ENTPD3: variants seen among roughly 807,000 people sequenced by gnomAD.
ENTPD3 encodes ectonucleoside triphosphate diphosphohydrolase 3, also known as CD39 antigen-like 3.
In ENTPD3, 60 loss-of-function variants were observed where a neutral mutation model predicts 51.2. The observed-to-expected ratio is 1.17, with a 90% confidence interval of 0.95 to 1.45. ENTPD3 has a LOEUF of 1.45. Ranked by LOEUF, ENTPD3 falls within the 40% of genes most tolerant of loss-of-function variation. The pLI is 0.00. For missense variants in ENTPD3, 593 were observed against 641.1 expected, an observed-to-expected ratio of 0.93 and a Z score of 0.81; for synonymous variants, 221 against 238.4, an observed-to-expected ratio of 0.93 and a Z score of 0.67.
At chr3:40,401,339 C>T (rs772365314) in intron 4 of ENTPD3, among the ~76,000 whole-genome samples, 6 of 152,178 alleles carry the variant, frequency 3.9e-5, no homozygotes, top group Non-Finnish European at 8.8e-5. Context: ...AAATAAAGGA[C>T]AATTTGTTAC....
rs1955341890 is a variant in ENTPD3, at chr3:40,400,958, A to G, written c.233A>G (p.Glu78Gly). 6.2e-7 allele frequency: 1 copy of G among 1,613,738 alleles called. No homozygotes were observed. The highest frequency in any genetic ancestry group is 1.3e-5 in the African/African-American group (1 of 74,656). The change falls in exon 4 of 11, where the codon GAA (glutamate) becomes GGA (glycine). Residue 78 changes from glutamate (E) to glycine (G), a missense_variant. Physicochemically the swap from Glu to Gly is moderately conservative, Grantham distance 98 (BLOSUM62 -2). Transcript: ENST00000301825. ...GTCTACGTGTATCAATGGCCAGCAGAAAAAGAGAATAATACCGGAGTGGTC... is the reference window on the plus strand; with the variant it reads ...GTCTACGTGTATCAATGGCCAGCAGGAAAAGAGAATAATACCGGAGTGGTC... ...TTVYVYQWPA[E>G]KENNTGVVSQ...
At chr3:40,418,629 T>C (rs1955796892) in intron 7 of ENTPD3, among the ~76,000 whole-genome samples, 1 of 152,320 alleles carries the variant, frequency 6.6e-6, no homozygotes, top group Admixed American at 6.5e-5. Context: ...TTTAATGTAA[T>C]ATATGTTCAG....
At chr3:40,417,973 CCT>C (rs551337712) in intron 7 of ENTPD3, among the ~76,000 whole-genome samples, 128 of 152,216 alleles carry the variant, frequency 8.4e-4, no homozygotes, top group African/African-American at 3.0e-3. Flanking sequence ...TGTCTGCGTG[CCT>C]CTGTGTGTTT....
intron 7 of ENTPD3, 38 bp downstream of exon 7, chr3:40,416,111 T>C (rs749594484): frequency 1.1e-5 from 17 of 1,486,040 alleles, no homozygotes; most frequent in African/African-American, 2.8e-5. Context: ...AGGTGTTCTC[T>C]TGAGGGTTTG....
rs1027050752 is a variant in ENTPD3, at chr3:40,391,892, G to T, written c.41-131G>T. On this transcript the variant is annotated intron_variant, in intron 2 of 10. Coordinates refer to ENST00000301825, the MANE Select transcript of ENTPD3 (RefSeq NM_001248.4). ...TTATTTGCTACTCCATCTTAGAAGTGTGGGTCTCGCTAACACCAGAGAAGG... is the reference window on the plus strand; with the variant it reads ...TTATTTGCTACTCCATCTTAGAAGTTTGGGTCTCGCTAACACCAGAGAAGG... 3 of 1,015,748 alleles carry T rather than the reference G, an allele frequency of 3.0e-6. No individual in the cohort carries two copies. The African/African-American group carries it at 4.8e-5, about 16-fold the overall frequency. 62.9% of individuals were successfully genotyped at this position (1,015,748 alleles called of 1,614,324 possible). A position where few individuals can be genotyped will look rare whatever the true frequency, so the allele number is the denominator to read the frequency against.
intron 7 of ENTPD3, among the ~76,000 whole-genome samples, chr3:40,419,953 C>CATTGGCAA (rs1955827446): frequency 6.6e-6 from 1 of 152,154 alleles, no homozygotes; most frequent in African/African-American, 2.4e-5. Context: ...GAACTTGGCA[C>CATTGGCAA]ATTGGCAAAT....
At chr3:40,408,311 T>G (rs773933152) in intron 4 of ENTPD3, among the ~76,000 whole-genome samples, 1 of 152,202 alleles carries the variant, frequency 6.6e-6, no homozygotes, top group African/African-American at 2.4e-5. Flanking sequence ...TTTTTCAGAG[T>G]TCTTCCCTCT....
chr3:40,417,017 C>G (rs1226928648), intron 7 of ENTPD3, among the ~76,000 whole-genome samples: 1 of 152,066 alleles, frequency 6.6e-6, no homozygotes, highest in African/African-American at 2.4e-5. Flanking sequence ...AACTTCAGAC[C>G]CCTGCATTTA....
intron 3 of ENTPD3, among the ~76,000 whole-genome samples, chr3:40,394,966 T>C (rs1955162174): frequency 6.6e-6 from 1 of 152,170 alleles, no homozygotes; most frequent in Admixed American, 6.5e-5. Context: ...TAGAACACAC[T>C]GTGGTGCCCA....
At chr3:40,389,872 T>C (rs1490467048) in intron 2 of ENTPD3, among the ~76,000 whole-genome samples, 1 of 152,170 alleles carries the variant, frequency 6.6e-6, no homozygotes, top group Admixed American at 6.5e-5. Context: ...GGGTAAAGCA[T>C]AGGTTATAAT....
intron 2 of ENTPD3, among the ~76,000 whole-genome samples, chr3:40,388,585 GACACACACACACACACACAC>G (rs55657804): frequency 1.6e-5 from 2 of 126,174 alleles, no homozygotes; most frequent in Non-Finnish European, 3.5e-5. Context: ...CACACACACA[GACACACACACACACACACAC>G]ACACACACAC....
rs3733167 is a variant in ENTPD3, at chr3:40,427,431, C to T, written c.1513C>T (p.Leu505Phe). Reference sequence around the variant, plus strand: ...GGCAGCCTTGCTGTGTCTGGCATTTCTTGCATACCTGTGTTCAGCAACCAG... The same window carrying T: ...GGCAGCCTTGCTGTGTCTGGCATTTTTTGCATACCTGTGTTCAGCAACCAG... The part of the protein sequence containing the change: ...TAAALLCLAF[L>F]AYLCSATRRK... The change falls in exon 11 of 11, where the codon CTT becomes TTT. Residue 505 changes from leucine to phenylalanine, a missense_variant. By Grantham distance (22) the Leu-to-Phe change is conservative. Transcript: ENST00000301825. 2.0e-5 allele frequency: 32 copies of T among 1,613,486 alleles called. No individual in the cohort carries two copies. In the East Asian group the frequency reaches 7.1e-4, roughly 36 times the overall value.
chr3:40,392,350 T>C lies in ENTPD3; in HGVS notation c.168+200T>C, dbSNP rs571011520. On this transcript the variant is annotated intron_variant, in intron 3 of 10. Coordinates refer to ENST00000301825, the MANE Select transcript of ENTPD3 (RefSeq NM_001248.4). ...GATATTTGAGGCTACAAATTGAGGG[T>C]AGTGACTGACACCTTCTCCAAGGAC... 6.9e-4 allele frequency: 416 copies of C among 604,198 alleles called. 1 individual carries two copies. The highest frequency in any genetic ancestry group is 4.2e-3 in the Middle Eastern group (12 of 2,878). The allele number at this position is 604,198 out of a possible 1,614,324, so 37.4% of individuals were successfully genotyped here.
chr3:40,404,446 G>A (rs759805063), intron 4 of ENTPD3, among the ~76,000 whole-genome samples: 3 of 152,186 alleles, frequency 2.0e-5, no homozygotes, highest in African/African-American at 7.2e-5. Context: ...ACCCAGGAGG[G>A]CAATTCAACC....
intron 10 of ENTPD3, among the ~76,000 whole-genome samples, chr3:40,425,793 G>C (rs1955968939): frequency 6.6e-6 from 1 of 151,368 alleles, no homozygotes; most frequent in Non-Finnish European, 1.5e-5. Context: ...AGCCACTCAG[G>C]AGGCTGAGGC....
intron 4 of ENTPD3, among the ~76,000 whole-genome samples, chr3:40,404,892 G>A (rs1014362474): frequency 6.6e-6 from 1 of 152,120 alleles, no homozygotes; most frequent in Non-Finnish European, 1.5e-5. Flanking sequence ...TTTCTTTCTG[G>A]TTGGTATCAA....
intron 3 of ENTPD3, among the ~76,000 whole-genome samples, chr3:40,393,352 G>C (rs973587821): frequency 2.0e-5 from 3 of 152,228 alleles, no homozygotes; most frequent in Admixed American, 2.0e-4. Flanking sequence ...ATAGGGACCA[G>C]GTAATTCAGC....
chr3:40,414,879 T>C, intron 6 of ENTPD3, 39 bp downstream of exon 6: 1 of 1,607,498 alleles, frequency 6.2e-7, no homozygotes, highest in Non-Finnish European at 8.5e-7. Context: ...ATCTTACTGT[T>C]TATCCTATCC....
intron 4 of ENTPD3, among the ~76,000 whole-genome samples, chr3:40,408,704 A>G (rs1212185272): frequency 6.6e-6 from 1 of 152,216 alleles, no homozygotes; most frequent in African/African-American, 2.4e-5. Flanking sequence ...ACAAAATAAT[A>G]TATTTTCATT....
Sources: gnomAD v4.1 joint callset for allele counts (sites outside exome capture counted in the v4.1 genomes callset) on GRCh38, gnomAD v4.1.1 for gene constraint, MANE v1.5 for transcripts, NCBI Gene and HGNC (gene_info 2026-07-23, HGNC 2026-07-21) for gene names.